The following FEZ1 variants were observed in gnomAD, a reference collection of about 807,000 sequenced individuals.
FEZ1 encodes the protein fasciculation and elongation protein zeta 1.
In FEZ1, 20 loss-of-function variants were observed where a neutral mutation model predicts 49.3. The observed-to-expected ratio is 0.41, with a 90% CI of 0.29 to 0.59. The LOEUF (loss-of-function observed/expected upper bound fraction) is 0.59, where lower values mean the gene tolerates loss of function less well. FEZ1 is among the 20% of genes least tolerant of loss of function. The pLI is 0.36. For synonymous variants in FEZ1, 170 were observed against 180.9 expected (o/e 0.94, Z 0.48); for missense variants, 413 against 476.0 (o/e 0.87, Z 1.23).
In FEZ1 at chr11:125,489,672, G is replaced by T; in HGVS notation, c.106C>A (p.His36Asn). ...KPQCFYGSSP[H>N]HLEDPSLSEL... ...GAGAGGGAGGGGTCCTCGAGATGGT[G>T]GGGAGATGAACCATAGAAACACTGG... The change falls in exon 2 of 10, where the codon CAC (histidine) becomes AAC (asparagine). Residue 36 changes from histidine (H) to asparagine (N), a missense_variant. Coordinates refer to ENST00000278919, the MANE Select transcript of FEZ1 (RefSeq NM_005103.5). This position sits in a 1 kb window ranked among gnomAD's most constrained non-coding sequence, Gnocchi z 4.2. 1 of 1,613,972 alleles carries T rather than the reference G, an allele frequency of 6.2e-7. No homozygotes were observed. Among genetic ancestry groups the T allele is most frequent in the East Asian group, 2.2e-5 (1 of 44,862 alleles).
At chr11:125,446,232 C>G in intron 9 of FEZ1, 121 bp from the exon 10 acceptor site, 2 of 859,890 alleles carry the variant, frequency 2.3e-6, no homozygotes, top group Non-Finnish European at 4.0e-6. Context: ...ACAGCCCCCA[C>G]TTAGTGCCTA....
At chr11:125,493,479 AAGGAAAGAAG>A (rs1565307212) in intron 1 of FEZ1, among the ~76,000 whole-genome samples, 838 of 74,474 alleles carry the variant, frequency 0.011, 24 homozygotes, top group African/African-American at 0.033. Context: ...AGAAGGAAAG[AAGGAAAGAAG>A]GAAAGAAAGA....
At chr11:125,479,785 C>A (rs1215407913) in intron 3 of FEZ1, among the ~76,000 whole-genome samples, 1 of 152,190 alleles carries the variant, frequency 6.6e-6, no homozygotes, top group Non-Finnish European at 1.5e-5. Flanking sequence ...TGATCTTGGA[C>A]TTCCCTGCCA....
At chr11:125,473,767 C>T (rs1957202959) in intron 3 of FEZ1, among the ~76,000 whole-genome samples, 2 of 138,158 alleles carry the variant, frequency 1.4e-5, no homozygotes, top group Admixed American at 1.5e-4. Flanking sequence ...TGCAGTGAGC[C>T]AATATTGAGT....
chr11:125,457,717 T>C (rs997874854), intron 5 of FEZ1, among the ~76,000 whole-genome samples: 1 of 151,882 alleles, frequency 6.6e-6, no homozygotes, highest in Non-Finnish European at 1.5e-5. Flanking sequence ...TGCATAATAA[T>C]CACATCATGG....
intron 1 of FEZ1, among the ~76,000 whole-genome samples, chr11:125,493,410 G>GAAGA (rs1957410205): frequency 1.1e-4 from 8 of 72,996 alleles, no homozygotes; most frequent in Admixed American, 9.8e-4. Flanking sequence ...AAGAAAGAAA[G>GAAGA]AAAGAAAGAA....
rs911038217 is a variant in FEZ1 at position 125,443,285 on chromosome 11, G to A, written c.*2810C>T. Among the ~76,000 whole-genome samples the A allele has an allele frequency of 2.0e-5, 3 of 152,110 alleles. No homozygotes were observed. Among genetic ancestry groups the A allele is most frequent in the Admixed American group, 2.0e-4 (3 of 15,256 alleles). ...GTTAATTCTTGGGACTCTTCTGTGA[G>A]GTTTCTACAATCCAGAAAGACCAGA... is the stretch of plus-strand genomic sequence containing the variant. On this transcript the variant is annotated 3_prime_UTR_variant, in exon 10 of 10. Transcript: ENST00000278919.
chr11:125,454,140 G>T lies in FEZ1; in HGVS notation c.1010C>A (p.Thr337Asn). ...GIRQTFGSSG[T>N]DKQYLNTVIP... The stretch of plus-strand genomic sequence containing the variant: ...GGAGACTACGCGTACCTGTTTGTCA[G>T]TTCCTGAGGAGCCAAAGGTCTGGCG... Residue 337 changes from threonine to asparagine, a missense_variant, in exon 7 of 10, where the codon ACT becomes AAT. Physicochemically the swap from Thr to Asn is moderately conservative, Grantham distance 65 (BLOSUM62 0). Coordinates refer to ENST00000278919, the MANE Select transcript of FEZ1 (RefSeq NM_005103.5). 3 of 1,613,034 alleles carry T rather than the reference G, an allele frequency of 1.9e-6. No individual in the cohort carries two copies. The highest frequency in any genetic ancestry group is 2.5e-6 in the Non-Finnish European group (3 of 1,179,356).
At chr11:125,462,770 G>A (rs779439777) in intron 4 of FEZ1, among the ~76,000 whole-genome samples, 1 of 152,110 alleles carries the variant, frequency 6.6e-6, no homozygotes, top group African/African-American at 2.4e-5. Context: ...AGGCCAAGGC[G>A]GGTGGACTGC....
At chr11:125,477,207 A>C (rs901539749) in intron 3 of FEZ1, among the ~76,000 whole-genome samples, 6 of 152,102 alleles carry the variant, frequency 3.9e-5, no homozygotes, top group African/African-American at 1.4e-4. Flanking sequence ...AAGATTAGCC[A>C]ATTCTGGCTG....
chr11:125,493,277 T>G (rs1591605846), intron 1 of FEZ1, among the ~76,000 whole-genome samples: 1 of 149,562 alleles, frequency 6.7e-6, no homozygotes, highest in Non-Finnish European at 1.5e-5. Context: ...GAGGTTGCAG[T>G]GAGCCGAGAT....
chr11:125,446,635 TTTGTG>T (rs1437284606), intron 9 of FEZ1, among the ~76,000 whole-genome samples: 2 of 123,808 alleles, frequency 1.6e-5, no homozygotes, highest in Non-Finnish European at 3.7e-5. Context: ...TCTGTGGTTT[TTTGTG>T]TTTTGTTGTT....
chr11:125,486,458 T>C (rs1957327582), intron 2 of FEZ1, among the ~76,000 whole-genome samples: 1 of 152,212 alleles, frequency 6.6e-6, no homozygotes, highest in South Asian at 2.1e-4. Flanking sequence ...TGTATTCAAA[T>C]CTGACTCTCC....
chr11:125,452,502 T>C, intron 7 of FEZ1, 93 bp from the exon 8 acceptor site: 1 of 752,200 alleles, frequency 1.3e-6, no homozygotes, highest in East Asian at 2.6e-5. Flanking sequence ...ACACTGCAAA[T>C]CTGACCTTCT....
At chr11:125,475,311 CAT>C (rs1957221529) in intron 3 of FEZ1, among the ~76,000 whole-genome samples, 1 of 145,866 alleles carries the variant, frequency 6.9e-6, no homozygotes, top group Non-Finnish European at 1.5e-5. Flanking sequence ...CACACACACA[CAT>C]TGTAAATAAT....
At chr11:125,493,409 A>AGAAAGAAAGAAAGAAAGAAAGAAG (rs1957409935) in intron 1 of FEZ1, among the ~76,000 whole-genome samples, 4 of 68,350 alleles carry the variant, frequency 5.9e-5, no homozygotes, top group Non-Finnish European at 1.1e-4. Context: ...AAAGAAAGAA[A>AGAAAGAAAGAAAGAAAGAAAGAAG]GAAAGAAAGA....
chr11:125,484,545 G>A (rs1957310486), intron 2 of FEZ1, among the ~76,000 whole-genome samples: 1 of 151,798 alleles, frequency 6.6e-6, no homozygotes, highest in Non-Finnish European at 1.5e-5. Context: ...GCCCACACCT[G>A]TAATCTCAGC....
At chr11:125,480,552 T>C (rs188921845) in intron 3 of FEZ1, among the ~76,000 whole-genome samples, 3 of 152,258 alleles carry the variant, frequency 2.0e-5, no homozygotes, top group East Asian at 3.9e-4. Flanking sequence ...TTTTAAACCA[T>C]CATTATTTGA....
intron 2 of FEZ1, among the ~76,000 whole-genome samples, chr11:125,484,205 T>C (rs542353319): frequency 6.6e-6 from 1 of 152,324 alleles, no homozygotes; most frequent in South Asian, 2.1e-4. Flanking sequence ...ATGAGCCAGG[T>C]AGTACTCTAA....
Sources: gnomAD v4.1 joint callset for allele counts (sites outside exome capture counted in the v4.1 genomes callset) on GRCh38, gnomAD v4.1.1 for gene constraint, Gnocchi (gnomAD v3.1) non-coding constraint, MANE v1.5 for transcripts, NCBI Gene and HGNC (gene_info 2026-07-23, HGNC 2026-07-21) for gene names.